MEI1: variants seen among roughly 807,000 people sequenced by gnomAD.
MEI1 encodes meiotic double-stranded break formation protein 1, also known as meiosis inhibitor protein 1.
MEI1 carries 103 observed loss-of-function variants against 146.2 expected under a neutral mutation model. The observed-to-expected ratio is 0.70, with a 90% confidence interval of 0.60 to 0.83. MEI1 has a LOEUF of 0.83. Among genes scored for constraint, MEI1 ranks in the 40% least tolerant of loss-of-function variants. The probability of loss-of-function intolerance (pLI) is 0.00; values close to 1 mark genes in which losing one functional copy is unlikely to be tolerated. For missense variants in MEI1, 1,529 were observed against 1,533.0 expected (o/e 1.00, Z 0.04); for synonymous variants, 652 against 628.2 (o/e 1.04, Z -0.57).
intron 20 of MEI1, among the ~76,000 whole-genome samples, chr22:41,775,292 C>T (rs772950009): frequency 5.3e-5 from 8 of 152,184 alleles, no homozygotes; most frequent in Non-Finnish European, 8.8e-5. Flanking sequence ...TCCTCACTTG[C>T]CTTTCTGTGC....
chr22:41,750,397 G>A (rs1026525986), intron 15 of MEI1, among the ~76,000 whole-genome samples: 7 of 152,202 alleles, frequency 4.6e-5, no homozygotes, highest in African/African-American at 1.4e-4. Context: ...ATTGAAAAAT[G>A]TCCATTGGAC....
chr22:41,748,122 A>C lies in MEI1; in HGVS notation c.1696A>C (p.Thr566Pro). ...IPMVMRHLEQ[T>P]THPALMEVFL... ...TTCTTTGCAGAGACACTTGGAGCAG[A>C]CCACCCACCCAGCTTTGATGGAAGT... Residue 566 changes from threonine to proline, a missense_variant, in exon 15 of 31, where the codon ACC becomes CCC. Physicochemically the swap from Thr to Pro is conservative, Grantham distance 38 (BLOSUM62 -1). Coordinates refer to ENST00000401548, the MANE Select transcript of MEI1 (RefSeq NM_152513.4). The C allele has an allele frequency of 6.2e-7, 1 of 1,613,758 alleles. No individual in the cohort carries two copies. The highest frequency in any genetic ancestry group is 8.5e-7 in the Non-Finnish European group (1 of 1,179,712).
At chr22:41,745,672 T>G (rs370611466) in intron 13 of MEI1, among the ~76,000 whole-genome samples, 2 of 152,226 alleles carry the variant, frequency 1.3e-5, no homozygotes, top group East Asian at 3.9e-4. Flanking sequence ...GTACACATAG[T>G]TGGGGGAGGG....
intron 3 of MEI1, 86 bp from the exon 4 acceptor site, chr22:41,713,916 C>T (rs1347925063): frequency 9.1e-6 from 10 of 1,096,872 alleles, no homozygotes; most frequent in Admixed American, 2.0e-5. Flanking sequence ...AATCACTATC[C>T]TGCACTGATT....
chr22:41,718,097 G>A lies in MEI1; in HGVS notation c.556G>A (p.Gly186Ser). ...HGNLMEHLLR[G>S]LVYPSEGIQA... ...CAACCTGATGGAGCATCTGTTGAGA[G>A]GCTTAGTATACCCCAGTGAGGGCAT... Residue 186 changes from glycine to serine, a missense_variant, in exon 6 of 31, where the codon GGC becomes AGC. This residue lies in a region of MEI1 where 1,212 missense variants were observed against 1,178.9 expected (regional missense o/e 1.03). Coordinates refer to ENST00000401548, the MANE Select transcript of MEI1 (RefSeq NM_152513.4). The A allele has an allele frequency of 3.7e-6, 6 of 1,611,668 alleles. No individual in the cohort carries two copies. The highest frequency in any genetic ancestry group is 1.1e-5 in the South Asian group (1 of 90,916).
chr22:41,723,799 A>C lies in MEI1; in HGVS notation c.734-144A>C, dbSNP rs941231039. ...TGGAAGAGAGTCGGGTGCAAAAAGC[A>C]AATTGGTGCTTAAGGATTCTAACCA... On this transcript the variant is annotated intron_variant, in intron 6 of 30. Transcript: ENST00000401548. The C allele has an allele frequency of 5.5e-6, 6 of 1,090,872 alleles. No individual in the cohort carries two copies. In the African/African-American group the frequency reaches 9.5e-5, roughly 17 times the overall value. 67.6% of individuals were successfully genotyped at this position (1,090,872 alleles called of 1,614,324 possible).
chr22:41,799,332 A>C lies in MEI1; in HGVS notation c.*33A>C. On this transcript the variant is annotated 3_prime_UTR_variant, in exon 31 of 31. Coordinates refer to ENST00000401548, the MANE Select transcript of MEI1 (RefSeq NM_152513.4). ...GACTTGAAGGCCCAGAAGTGGAGAG[A>C]GAATGAGACCTGGAGACAAAGGGCA... 1 of 1,607,526 alleles carries C rather than the reference A, an allele frequency of 6.2e-7. No individual in the cohort carries two copies. Among genetic ancestry groups the C allele is most frequent in the South Asian group, 1.1e-5 (1 of 90,924 alleles).
intron 6 of MEI1, among the ~76,000 whole-genome samples, chr22:41,719,083 C>T (rs2070492938): frequency 6.6e-6 from 1 of 151,158 alleles, no homozygotes; most frequent in Non-Finnish European, 1.5e-5. Flanking sequence ...CCCGGGTTCA[C>T]ACCATTCTCC....
intron 3 of MEI1, among the ~76,000 whole-genome samples, chr22:41,709,960 A>C (rs2069406194): frequency 6.6e-6 from 1 of 152,058 alleles, no homozygotes; most frequent in African/African-American, 2.4e-5. Flanking sequence ...TGTGGGCTAA[A>C]TTTATATGTA....
chr22:41,758,885 G>A (rs1421139186), intron 18 of MEI1, among the ~76,000 whole-genome samples: 1 of 152,250 alleles, frequency 6.6e-6, no homozygotes, highest in Non-Finnish European at 1.5e-5. Context: ...GCTCACGCCT[G>A]TAATCCCAAT....
At chr22:41,744,794 GGC>G (rs2073163926) in intron 12 of MEI1, among the ~76,000 whole-genome samples, 177 bp from the exon 13 acceptor site, 1 of 86,286 alleles carries the variant, frequency 1.2e-5, no homozygotes, top group African/African-American at 5.8e-5. Context: ...CACCGCGCCC[GGC>G]CTATGATTTT....
Position 41,770,711 on chromosome 22 carries a change from TC to T in MEI1, c.2296del (p.Leu766Ter). On this transcript the variant is annotated frameshift_variant, in exon 20 of 31. Coordinates refer to ENST00000401548, the MANE Select transcript of MEI1 (RefSeq NM_152513.4). LOFTEE classifies it high-confidence loss of function. ...ACTATGGTCAGTGCAATCAGAAAAT[TC>T]CTAGAAGGCATCCCAGACCTGCAGC... Reference protein sequence around the residue: ...RETMVSAIRKFLEGIPDLQLV... With the variant: ...RETMVSAIRKXLEGIPDLQLV... 6.2e-7 allele frequency: 1 copy of T among 1,613,856 alleles called. No homozygotes were observed. The highest frequency in any genetic ancestry group is 8.5e-7 in the Non-Finnish European group (1 of 1,179,842).
At chr22:41,756,520 C>A (rs2074102621) in intron 17 of MEI1, among the ~76,000 whole-genome samples, 1 of 152,126 alleles carries the variant, frequency 6.6e-6, no homozygotes, top group South Asian at 2.1e-4. Context: ...GTTGCCCAGG[C>A]TGGAGTGCAG....
intron 11 of MEI1, among the ~76,000 whole-genome samples, chr22:41,735,235 T>G (rs1037952576): frequency 6.7e-6 from 1 of 148,680 alleles, no homozygotes. Flanking sequence ...GTGTTTTTTT[T>G]TTTTTTTTTT....
intron 11 of MEI1, among the ~76,000 whole-genome samples, chr22:41,736,582 T>G (rs1361626016): frequency 6.6e-6 from 1 of 152,012 alleles, no homozygotes; most frequent in African/African-American, 2.4e-5. Flanking sequence ...TTTGTAGAGA[T>G]AGGGATCTTG....
intron 19 of MEI1, among the ~76,000 whole-genome samples, chr22:41,769,356 A>G (rs889897090): frequency 1.3e-5 from 2 of 152,232 alleles, no homozygotes; most frequent in Admixed American, 1.3e-4. Flanking sequence ...AACTAGATAT[A>G]CACATGCAAA....
intron 25 of MEI1, 56 bp downstream of exon 25, chr22:41,784,476 A>G (rs377577061): frequency 6.2e-7 from 1 of 1,604,098 alleles, no homozygotes; most frequent in Non-Finnish European, 8.5e-7. Context: ...GTTTTCAGAT[A>G]AGACCAGCAC....
chr22:41,728,423 G>T (rs1038103191), intron 7 of MEI1, among the ~76,000 whole-genome samples: 10 of 152,196 alleles, frequency 6.6e-5, no homozygotes, highest in Non-Finnish European at 1.0e-4. Flanking sequence ...TTATGTCACA[G>T]AATTGTTGCA....
rs869223251 is a variant in MEI1, at chr22:41,793,032, C to CTTTTTTTTTTTTTT, written c.3346-779_3346-766dup. Among the ~76,000 whole-genome samples the CTTTTTTTTTTTTTT allele has an allele frequency of 4.1e-5, 2 of 48,398 alleles. 1 individual carries two copies. Among genetic ancestry groups the CTTTTTTTTTTTTTT allele is most frequent in the Non-Finnish European group, 1.1e-4 (2 of 18,016 alleles). The allele number at this position is 48,398 out of a possible 152,430, so 31.8% of individuals were successfully genotyped here. ...ATCTTCTTTTCTGAAACAAAGCATT[C>CTTTTTTTTTTTTTT]TTTTTTTTTTTTTTTTTTTTTTTTT... On this transcript the variant is annotated intron_variant, in intron 26 of 30. Transcript: ENST00000401548.
Sources: gnomAD v4.1 joint callset for allele counts (sites outside exome capture counted in the v4.1 genomes callset) on GRCh38, gnomAD v4.1.1 for gene constraint, gnomAD v4.1.1 regional missense constraint, MANE v1.5 for transcripts, NCBI Gene and HGNC (gene_info 2026-07-23, HGNC 2026-07-21) for gene names.